POU6F2: variants seen among roughly 807,000 people sequenced by gnomAD.
POU6F2 encodes the protein POU domain, class 6, transcription factor 2.
POU6F2 carries 31 observed loss-of-function variants against 71.3 expected under a neutral mutation model. The ratio of observed to expected loss-of-function variants is 0.43; its 90% CI spans 0.33 to 0.59. The LOEUF (loss-of-function observed/expected upper bound fraction) is 0.59. POU6F2 is among the 20% of genes least tolerant of loss of function. POU6F2 has a pLI of 0.04. For synonymous variants in POU6F2, 347 were observed against 355.7 expected (o/e 0.98, Z 0.27); for missense variants, 783 against 856.8 (o/e 0.91, Z 1.07).
At chr7:39,386,604 G>A (rs538219029) in intron 5 of POU6F2, among the ~76,000 whole-genome samples, 2 of 152,292 alleles carry the variant, frequency 1.3e-5, no homozygotes, top group East Asian at 3.9e-4. Context: ...CAACAGCACA[G>A]GGACTGGACT....
chr7:39,346,652 G>T (rs545917563), intron 5 of POU6F2, among the ~76,000 whole-genome samples: 3 of 152,322 alleles, frequency 2.0e-5, no homozygotes, highest in Non-Finnish European at 4.4e-5. Flanking sequence ...ATAGATGCAG[G>T]GTCTAGTGGC....
chr7:39,081,586 T>G (rs564788739), intron 1 of POU6F2, among the ~76,000 whole-genome samples: 1 of 152,238 alleles, frequency 6.6e-6, no homozygotes, highest in Non-Finnish European at 1.5e-5. Context: ...TTGCCATGTT[T>G]ATCTAGAGGG....
At chr7:39,458,897 T>C (rs1788875076) in intron 8 of POU6F2, among the ~76,000 whole-genome samples, 1 of 152,158 alleles carries the variant, frequency 6.6e-6, no homozygotes, top group Non-Finnish European at 1.5e-5. Flanking sequence ...GGCTCCTTCA[T>C]TCTCTGAAAA....
intron 2 of POU6F2, among the ~76,000 whole-genome samples, chr7:39,124,103 A>G (rs1056677435): frequency 4.1e-5 from 6 of 146,700 alleles, no homozygotes; most frequent in African/African-American, 1.3e-4. Context: ...CTGGAGTGCA[A>G]TGGCGCAATC....
chr7:39,251,389 G>A (rs1278836410), intron 4 of POU6F2, among the ~76,000 whole-genome samples: 3 of 152,202 alleles, frequency 2.0e-5, no homozygotes, highest in Non-Finnish European at 2.9e-5. Context: ...TTTGGCCAAA[G>A]AGAATGAACA....
chr7:39,080,384 AT>A (rs1791092438), intron 1 of POU6F2, among the ~76,000 whole-genome samples: 1 of 152,056 alleles, frequency 6.6e-6, no homozygotes, highest in Non-Finnish European at 1.5e-5. Context: ...TTTGATTTCA[AT>A]TTTTACCTCT....
intron 4 of POU6F2, among the ~76,000 whole-genome samples, chr7:39,327,663 C>G (rs1227175441): frequency 6.6e-6 from 1 of 151,360 alleles, no homozygotes; most frequent in Non-Finnish European, 1.5e-5. Context: ...CTCCAGAGAT[C>G]CTGATATAAA....
chr7:39,268,014 C>T (rs1240523494), intron 4 of POU6F2, among the ~76,000 whole-genome samples: 4 of 152,084 alleles, frequency 2.6e-5, no homozygotes, highest in Non-Finnish European at 5.9e-5. Flanking sequence ...AAGGTGCACC[C>T]CACAGCAATC....
chr7:39,298,681 T>C (rs1784897765), intron 4 of POU6F2, among the ~76,000 whole-genome samples: 1 of 152,202 alleles, frequency 6.6e-6, no homozygotes, highest in Non-Finnish European at 1.5e-5. Context: ...ATATAAATTA[T>C]TCTACTATAA....
intron 7 of POU6F2, 128 bp from the exon 8 acceptor site, chr7:39,451,405 C>A: frequency 3.0e-6 from 3 of 1,005,716 alleles, no homozygotes; most frequent in Non-Finnish European, 4.2e-6. Context: ...GTAGGGTGCG[C>A]ACTCTTCCTG....
intron 5 of POU6F2, among the ~76,000 whole-genome samples, chr7:39,374,164 C>T (rs1380254842): frequency 6.6e-6 from 1 of 152,204 alleles, no homozygotes; most frequent in Non-Finnish European, 1.5e-5. Context: ...AATAATACAG[C>T]TGTCATCAAG....
At chr7:39,348,587 A>G (rs981357524) in intron 5 of POU6F2, among the ~76,000 whole-genome samples, 9 of 152,206 alleles carry the variant, frequency 5.9e-5, no homozygotes, top group African/African-American at 1.9e-4. Context: ...GGGATTCCAG[A>G]TCTAGTCTGT....
chr7:39,307,846 C>CA (rs1354789336), intron 4 of POU6F2, among the ~76,000 whole-genome samples: 2 of 151,630 alleles, frequency 1.3e-5, no homozygotes, highest in Non-Finnish European at 1.5e-5. Context: ...CCCAGCTACT[C>CA]AGAGAGGCTG....
intron 5 of POU6F2, among the ~76,000 whole-genome samples, chr7:39,365,969 C>T (rs116140675): frequency 0.018 from 2,700 of 152,164 alleles, 91 homozygotes; most frequent in African/African-American, 0.059. Flanking sequence ...GGTGCAGGCA[C>T]AGAGCAGGTG....
intron 1 of POU6F2, among the ~76,000 whole-genome samples, chr7:38,980,786 T>C (rs542621471): frequency 1.3e-5 from 2 of 152,296 alleles, no homozygotes; most frequent in East Asian, 3.9e-4. Context: ...AGTCAGAATA[T>C]TGAAAGATTC....
intron 4 of POU6F2, among the ~76,000 whole-genome samples, chr7:39,326,249 T>C (rs1785500748): frequency 6.6e-6 from 1 of 152,224 alleles, no homozygotes; most frequent in Non-Finnish European, 1.5e-5. Flanking sequence ...CTCAGACTTC[T>C]AGAAAAACAA....
intron 2 of POU6F2, among the ~76,000 whole-genome samples, chr7:39,199,637 A>G (rs1793856161): frequency 6.6e-6 from 1 of 152,124 alleles, no homozygotes; most frequent in African/African-American, 2.4e-5. Flanking sequence ...GGCACTGAAG[A>G]AAGGAGTGTC....
intron 4 of POU6F2, among the ~76,000 whole-genome samples, chr7:39,326,758 C>T (rs768859688): frequency 9.9e-5 from 15 of 152,084 alleles, no homozygotes; most frequent in Admixed American, 2.6e-4. Flanking sequence ...TAGGCTTATT[C>T]GAGGAGCAGA....
chr7:39,174,268 G>A (rs1793284529), intron 2 of POU6F2, among the ~76,000 whole-genome samples: 1 of 152,200 alleles, frequency 6.6e-6, no homozygotes, highest in South Asian at 2.1e-4. Flanking sequence ...CAGGCAGGCT[G>A]TCTTCAGGCA....
Sources: gnomAD v4.1 joint callset for allele counts (sites outside exome capture counted in the v4.1 genomes callset) on GRCh38, gnomAD v4.1.1 for gene constraint, MANE v1.5 for transcripts, NCBI Gene and HGNC (gene_info 2026-07-23, HGNC 2026-07-21) for gene names.